NEO1: variants seen among roughly 807,000 people sequenced by gnomAD.
NEO1 encodes neogenin.
NEO1 carries 63 observed loss-of-function variants against 159.7 expected under a neutral mutation model. The observed-to-expected ratio is 0.39, with a 90% CI of 0.32 to 0.49. The LOEUF (loss-of-function observed/expected upper bound fraction) is 0.49. Ranked by LOEUF, NEO1 falls within the 20% of genes least tolerant of loss-of-function variation. The probability of loss-of-function intolerance (pLI) is 0.85; values close to 1 mark genes in which losing one functional copy is unlikely to be tolerated. For missense variants in NEO1, 1,615 were observed against 1,831.0 expected, an observed-to-expected ratio of 0.88 and a Z score of 2.15; for synonymous variants, 633 against 662.0, an observed-to-expected ratio of 0.96 and a Z score of 0.67.
intron 7 of NEO1, among the ~76,000 whole-genome samples, chr15:73,192,815 A>G (rs1052746871): frequency 6.6e-6 from 1 of 152,070 alleles, no homozygotes; most frequent in Non-Finnish European, 1.5e-5. Flanking sequence ...AAGTCTACAC[A>G]GAAATCTATT....
chr15:73,153,148 A>G (rs2033513214), intron 5 of NEO1, among the ~76,000 whole-genome samples: 1 of 152,176 alleles, frequency 6.6e-6, no homozygotes, highest in African/African-American at 2.4e-5. Flanking sequence ...CAGGCAGAAA[A>G]CAATTTCAGC....
intron 5 of NEO1, among the ~76,000 whole-genome samples, chr15:73,143,076 TG>T (rs1218298898): frequency 6.6e-6 from 1 of 152,154 alleles, no homozygotes; most frequent in Non-Finnish European, 1.5e-5. Flanking sequence ...CAAAGCTGAG[TG>T]ACAGAACGCA....
At chr15:73,197,604 G>A (rs556186156) in intron 7 of NEO1, among the ~76,000 whole-genome samples, 1 of 151,618 alleles carries the variant, frequency 6.6e-6, no homozygotes, top group Admixed American at 6.6e-5. Context: ...TTATCAGCAG[G>A]AAACATTTGT....
At chr15:73,192,542 T>C (rs558497967) in intron 7 of NEO1, among the ~76,000 whole-genome samples, 61 of 152,074 alleles carry the variant, frequency 4.0e-4, no homozygotes, top group Non-Finnish European at 7.2e-4. Flanking sequence ...CTTACAGATA[T>C]AGTTACTAAG....
chr15:73,178,528 C>T (rs752220154), intron 7 of NEO1, 101 bp downstream of exon 7: 141 of 1,279,058 alleles, frequency 1.1e-4, no homozygotes, highest in Non-Finnish European at 1.4e-4. Context: ...TTAGTAAAGG[C>T]CAATATGTGG....
chr15:73,115,613 G>T (rs2071266742), intron 1 of NEO1, among the ~76,000 whole-genome samples: 1 of 152,088 alleles, frequency 6.6e-6, no homozygotes, highest in Non-Finnish European at 1.5e-5. Context: ...GCTGGATTGG[G>T]TTTCTCTGAT....
Position 73,260,461 on chromosome 15 carries a change from T to A in NEO1, c.2394T>A (p.Asn798Lys). Residue 798 changes from asparagine (N) to lysine (K), a missense_variant, in exon 15 of 29, where the codon AAT becomes AAA. Physicochemically the swap from Asn to Lys is moderately conservative, Grantham distance 94. Around this residue, in one of 3 missense-constraint regions of NEO1, gnomAD observed 1,018 missense variants for 1,115.4 expected, o/e 0.91. Transcript: ENST00000261908. ...DYKQRYYTIE[N>K]LDPSSHYVIT... ...AACAGCGCTATTACACCATTGAAAA[T>A]CTGGGTATGTTTGCTAAGTAGAGAA... 1 of 1,585,388 alleles carries A rather than the reference T, an allele frequency of 6.3e-7. No homozygotes were observed. The highest frequency in any genetic ancestry group is 8.6e-7 in the Non-Finnish European group (1 of 1,158,630).
At chr15:73,114,324 G>C (rs564304847) in intron 1 of NEO1, among the ~76,000 whole-genome samples, 32 of 152,282 alleles carry the variant, frequency 2.1e-4, no homozygotes, top group African/African-American at 7.5e-4. Flanking sequence ...GTCGACTAAA[G>C]GAGTTTCTTC....
At chr15:73,119,891 C>A (rs911407187) in intron 2 of NEO1, among the ~76,000 whole-genome samples, 1 of 152,196 alleles carries the variant, frequency 6.6e-6, no homozygotes, top group Admixed American at 6.5e-5. Flanking sequence ...AATCCCAGCA[C>A]TATAGGAGGC....
At chr15:73,262,362 C>A (rs1313828292) in intron 15 of NEO1, among the ~76,000 whole-genome samples, 1 of 152,098 alleles carries the variant, frequency 6.6e-6, no homozygotes, top group Non-Finnish European at 1.5e-5. Flanking sequence ...ATTTAAATAT[C>A]TGACAAAGAA....
intron 5 of NEO1, among the ~76,000 whole-genome samples, chr15:73,165,187 A>G (rs1291850043): frequency 6.7e-6 from 1 of 148,392 alleles, no homozygotes; most frequent in African/African-American, 2.5e-5. Context: ...GTGTGTGTAT[A>G]TGTGATGTGT....
chr15:73,276,544 T>C (rs1420349440), intron 21 of NEO1, among the ~76,000 whole-genome samples: 2 of 152,194 alleles, frequency 1.3e-5, no homozygotes, highest in Admixed American at 1.3e-4. Context: ...AAGTAATATG[T>C]GTGGACAATG....
At chr15:73,187,313 C>T (rs1471049984) in intron 7 of NEO1, among the ~76,000 whole-genome samples, 2 of 152,088 alleles carry the variant, frequency 1.3e-5, no homozygotes, top group Non-Finnish European at 2.9e-5. Flanking sequence ...GGGCACATTT[C>T]CTCCTCATTA....
At chr15:73,073,535 G>A (rs2151328665) in intron 1 of NEO1, among the ~76,000 whole-genome samples, 1 of 152,230 alleles carries the variant, frequency 6.6e-6, no homozygotes, top group African/African-American at 2.4e-5. Context: ...CAAGGAAAAT[G>A]GGATAACTGA....
rs2041286342 is a variant in NEO1, at chr15:73,273,821, A to G, written c.2976A>G (p.Ile992Met). 6.2e-7 allele frequency: 1 copy of G among 1,612,544 alleles called. No individual in the cohort carries two copies. The highest frequency in any genetic ancestry group is 1.1e-5 in the South Asian group (1 of 90,792). The change falls in exon 20 of 29, where the codon ATA (isoleucine) becomes ATG (methionine). Residue 992 changes from isoleucine to methionine, a missense_variant. Around this residue, in one of 3 missense-constraint regions of NEO1, gnomAD observed 126 missense variants for 216.7 expected, o/e 0.58. Transcript: ENST00000261908. Reference sequence around the variant, plus strand: ...AATTCCTTTGGACAGGTTACATCATATATTACAGTACAGATGTGAATGCAG... The same window carrying G: ...AATTCCTTTGGACAGGTTACATCATGTATTACAGTACAGATGTGAATGCAG... ...EANGKITGYIIYYSTDVNAEI... is the reference protein window; with the variant it reads ...EANGKITGYIMYYSTDVNAEI...
At chr15:73,140,164 T>C (rs1433592222) in intron 5 of NEO1, among the ~76,000 whole-genome samples, 1 of 152,208 alleles carries the variant, frequency 6.6e-6, no homozygotes, top group Non-Finnish European at 1.5e-5. Flanking sequence ...ATACCAGACA[T>C]TGGTTAGGAT....
In NEO1 at chr15:73,293,434, C is replaced by G; in HGVS notation, c.3787C>G (p.His1263Asp). The change falls in exon 26 of 29, where the codon CAT (histidine) becomes GAT (aspartate). Residue 1263 changes from histidine to aspartate, a missense_variant. His to Asp is a moderately conservative substitution (Grantham distance 81, BLOSUM62 -1). Coordinates refer to ENST00000261908, the MANE Select transcript of NEO1 (RefSeq NM_002499.4). The stretch of plus-strand genomic sequence containing the variant: ...CATCCATTCCCTCGATAACCCTCAC[C>G]ATCATTTCCACTCCAGCAGCCTCGC... ...HPIHSLDNPHHHFHSSSLASP... is the reference protein window; with the variant it reads ...HPIHSLDNPHDHFHSSSLASP... 1.2e-6 allele frequency: 2 copies of G among 1,614,188 alleles called. No homozygotes were observed. Among genetic ancestry groups the G allele is most frequent in the Non-Finnish European group, 1.7e-6 (2 of 1,180,020 alleles).
chr15:73,088,590 A>G (rs1273121655), intron 1 of NEO1, among the ~76,000 whole-genome samples: 1 of 152,078 alleles, frequency 6.6e-6, no homozygotes, highest in Non-Finnish European at 1.5e-5. Flanking sequence ...AAGGGATTGC[A>G]TTTTCCCAAA....
intron 1 of NEO1, among the ~76,000 whole-genome samples, chr15:73,081,901 C>A (rs577624869): frequency 7.0e-6 from 1 of 143,154 alleles, no homozygotes; most frequent in South Asian, 2.2e-4. Context: ...GAGTCTTGCT[C>A]TGTCACCCAG....
Sources: gnomAD v4.1 joint callset for allele counts (sites outside exome capture counted in the v4.1 genomes callset) on GRCh38, gnomAD v4.1.1 for gene constraint, gnomAD v4.1.1 regional missense constraint, MANE v1.5 for transcripts, NCBI Gene and HGNC (gene_info 2026-07-23, HGNC 2026-07-21) for gene names.